The following NXN variants were observed in gnomAD, a reference collection of about 807,000 sequenced individuals.
NXN encodes nucleoredoxin 1.
In NXN, 16 loss-of-function variants were observed where a neutral mutation model predicts 48.6. The ratio of observed to expected loss-of-function variants is 0.33; its 90% CI spans 0.22 to 0.50. The LOEUF is 0.50. NXN is among the 20% of genes least tolerant of loss of function. The pLI is 0.98. For missense variants in NXN, 492 were observed against 605.5 expected (o/e 0.81, Z 1.97); for synonymous variants, 281 against 269.6 (o/e 1.04, Z -0.41).
At position 799,624 on chromosome 17, in the gene NXN, G is replaced by T. The variant is rs1911098606; in HGVS notation, c.*1325C>A. ...CATCCCCAATCCTGAGAACAGAGTT[G>T]TCTGTTTCTCTTTCGGGGGTCAGGT... is the stretch of plus-strand genomic sequence containing the variant. On this transcript the variant is annotated 3_prime_UTR_variant, in exon 8 of 8. Transcript: ENST00000336868. The T allele has an allele frequency of 6.6e-6, 1 of 152,290 alleles. No individual in the cohort carries two copies. Among genetic ancestry groups the T allele is most frequent in the Non-Finnish European group, 1.5e-5 (1 of 68,088 alleles). 9.4% of individuals were successfully genotyped at this position (152,290 alleles called of 1,614,324 possible). A position where few individuals can be genotyped will look rare whatever the true frequency, so the allele number is the denominator to read the frequency against.
intron 5 of NXN, among the ~76,000 whole-genome samples, chr17:815,441 G>A (rs1365754353): frequency 1.3e-5 from 2 of 150,328 alleles, no homozygotes; most frequent in African/African-American, 5.0e-5. Context: ...AGATCCCTAA[G>A]CTCTGTAGGT....
chr17:899,238 G>A (rs1388023462), intron 1 of NXN, among the ~76,000 whole-genome samples: 4 of 152,110 alleles, frequency 2.6e-5, no homozygotes, highest in Non-Finnish European at 1.5e-5. Flanking sequence ...GATTACAGGC[G>A]TGAGCCACCG....
chr17:962,717 A>G (rs375901801), intron 1 of NXN, among the ~76,000 whole-genome samples: 23 of 152,350 alleles, frequency 1.5e-4, no homozygotes, highest in African/African-American at 5.3e-4. Context: ...CAAAAGCCAC[A>G]GCATAATAGA....
chr17:814,965 C>T (rs1007069784), intron 5 of NXN, among the ~76,000 whole-genome samples: 11 of 152,156 alleles, frequency 7.2e-5, no homozygotes, highest in African/African-American at 2.7e-4. Context: ...GGGGTTTCGC[C>T]ATGTTGGCCA....
Position 823,683 on chromosome 17 carries a change from C to T in NXN, c.561G>A (p.Glu187=), listed in dbSNP as rs777398301. ...CGTGAGACCCCTCCAGGCTGCTGCT[C>T]TCCAGAGACTGCCCATTGTTTCTAA... is the stretch of plus-strand genomic sequence containing the variant. ...PLLRNNGQSL[E]SSSLEGSHVG... Residue 187 remains glutamate (E), a synonymous_variant, in exon 3 of 8, where the codon GAG becomes GAA. Transcript: ENST00000336868. The T allele has an allele frequency of 1.2e-6, 2 of 1,614,058 alleles. No individual in the cohort carries two copies. Among genetic ancestry groups the T allele is most frequent in the African/African-American group, 2.7e-5 (2 of 74,922 alleles).
Position 800,844 on chromosome 17 carries a change from G to A in NXN, c.*105C>T. ...GCACCACAGAGAGGCTGGACACTTG[G>A]GTGGTGGGATTCGGGGCACGCTGGG... On this transcript the variant is annotated 3_prime_UTR_variant, in exon 8 of 8. Coordinates refer to ENST00000336868, the MANE Select transcript of NXN (RefSeq NM_022463.5). 1 of 681,658 alleles carries A rather than the reference G, an allele frequency of 1.5e-6. No homozygotes were observed. Among genetic ancestry groups the A allele is most frequent in the Non-Finnish European group, 2.2e-6 (1 of 464,006 alleles). 42.2% of individuals were successfully genotyped at this position (681,658 alleles called of 1,614,324 possible).
Position 826,077 on chromosome 17 carries a change from A to G in NXN, c.362T>C (p.Leu121Pro), listed in dbSNP as rs763428527. ...ALPYKEKHRK[L>P]KLWNKYRISN... The stretch of plus-strand genomic sequence containing the variant: ...AATTCGGTATTTGTTCCAAAGTTTG[A>G]GCTGTATGAAGAAAAGCAAAAGAAG... Residue 121 changes from leucine to proline, a missense_variant and splice_region_variant, in exon 2 of 8, where the codon CTC (leucine) becomes CCC (proline). By Grantham distance (98) the Leu-to-Pro change is moderately conservative (BLOSUM62 -3). Transcript: ENST00000336868. 1 of 1,603,178 alleles carries G rather than the reference A, an allele frequency of 6.2e-7. No homozygotes were observed. The highest frequency in any genetic ancestry group is 1.7e-5 in the Admixed American group (1 of 59,994).
intron 1 of NXN, among the ~76,000 whole-genome samples, chr17:882,032 A>G (rs1378795484): frequency 1.3e-5 from 2 of 151,942 alleles, no homozygotes; most frequent in African/African-American, 2.4e-5. Context: ...TCATATCGGT[A>G]TAACAGCTGT....
intron 1 of NXN, among the ~76,000 whole-genome samples, chr17:969,076 G>T (rs1403628188): frequency 6.6e-6 from 1 of 152,162 alleles, no homozygotes; most frequent in Non-Finnish European, 1.5e-5. Context: ...GTACAAAGAG[G>T]TAAAAAGGCT....
intron 1 of NXN, among the ~76,000 whole-genome samples, chr17:923,502 A>G (rs2068768316): frequency 6.6e-6 from 1 of 152,236 alleles, no homozygotes; most frequent in Admixed American, 6.5e-5. Context: ...TGGGCAACAC[A>G]GCGAGACCGT....
Position 846,295 on chromosome 17 carries a change from G to A in NXN, c.361-20217C>T, listed in dbSNP as rs773632153. Reference sequence around the variant, plus strand: ...AAATTAGCTGTGGTGGTGGGCGCCTGTAATCCCAGCTGCTCGGGAGGCTGA... The same window carrying A: ...AAATTAGCTGTGGTGGTGGGCGCCTATAATCCCAGCTGCTCGGGAGGCTGA... On this transcript the variant is annotated intron_variant, in intron 1 of 7. Coordinates refer to ENST00000336868, the MANE Select transcript of NXN (RefSeq NM_022463.5). Among the ~76,000 whole-genome samples the A allele has an allele frequency of 5.3e-5, 8 of 151,614 alleles. No individual in the cohort carries two copies. The South Asian group carries it at 6.2e-4, about 12-fold the overall frequency.
intron 7 of NXN, 109 bp downstream of exon 7, chr17:803,573 G>C (rs1911319526): frequency 7.1e-7 from 1 of 1,400,044 alleles, no homozygotes; most frequent in Middle Eastern, 1.8e-4. Flanking sequence ...CAGAAGCACA[G>C]GCAGCCCTGA....
At chr17:831,103 AG>A (rs1913438505) in intron 1 of NXN, among the ~76,000 whole-genome samples, 1 of 152,304 alleles carries the variant, frequency 6.6e-6, no homozygotes, top group Admixed American at 6.5e-5. Flanking sequence ...AACAGGAAAA[AG>A]GGCGAGACCT....
At chr17:927,842 G>A (rs917398807) in intron 1 of NXN, among the ~76,000 whole-genome samples, 6 of 151,998 alleles carry the variant, frequency 3.9e-5, no homozygotes, top group Non-Finnish European at 7.4e-5. Context: ...GTGCCCACTC[G>A]CCCCCTCACC....
chr17:858,172 T>C (rs1467618681), intron 1 of NXN, among the ~76,000 whole-genome samples: 2 of 151,864 alleles, frequency 1.3e-5, no homozygotes, highest in Middle Eastern at 3.2e-3. Context: ...CGTTTCACCA[T>C]GTTGCGGCTA....
chr17:903,368 GTC>G (rs2068554596), intron 1 of NXN, among the ~76,000 whole-genome samples: 2 of 149,596 alleles, frequency 1.3e-5, no homozygotes, highest in South Asian at 2.1e-4. Context: ...ACCATGCCCA[GTC>G]TCTGTTTTTT....
At chr17:815,187 A>G (rs1269107664) in intron 5 of NXN, among the ~76,000 whole-genome samples, 13 of 152,282 alleles carry the variant, frequency 8.5e-5, no homozygotes, top group Admixed American at 8.5e-4. Flanking sequence ...TAGGTTTTGA[A>G]GGCGATGAGG....
At chr17:941,984 C>A (rs371248936) in intron 1 of NXN, among the ~76,000 whole-genome samples, 67 of 36,528 alleles carry the variant, frequency 1.8e-3, no homozygotes, top group Admixed American at 4.4e-3. Context: ...CCCTGGATTT[C>A]CAGTGAACAA....
At chr17:912,080 G>A (rs2068641972) in intron 1 of NXN, among the ~76,000 whole-genome samples, 1 of 151,876 alleles carries the variant, frequency 6.6e-6, no homozygotes, top group African/African-American at 2.4e-5. Context: ...AGGGATTACA[G>A]GCGCCCGCTA....
Sources: allele counts gnomAD v4.1 joint callset (sites outside exome capture counted in the v4.1 genomes callset), GRCh38; gene constraint gnomAD v4.1.1; transcripts MANE v1.5; gene names NCBI Gene and HGNC (gene_info 2026-07-23, HGNC 2026-07-21).